Variants in ZNF560 observed in about 807,000 individuals in gnomAD.
The protein encoded by ZNF560 is zinc finger protein 560.
Under a neutral mutation model 81.8 loss-of-function variants are expected in ZNF560, and 54 were observed. The observed-to-expected ratio is 0.66, with a 90% CI of 0.53 to 0.83. ZNF560 has a LOEUF of 0.83. Ranked by LOEUF, ZNF560 falls within the 40% of genes least tolerant of loss-of-function variation. The pLI is 0.00. For synonymous variants in ZNF560, 321 were observed against 317.9 expected (o/e 1.01, Z -0.10); for missense variants, 940 against 932.4 (o/e 1.01, Z -0.11).
intron 9 of ZNF560, among the ~76,000 whole-genome samples, chr19:9,468,813 T>C (rs1226373555): frequency 6.9e-6 from 1 of 145,490 alleles, no homozygotes. Context: ...CACTGCAACC[T>C]CCACCTCCTG....
chr19:9,469,854 A>G, intron 7 of ZNF560, 144 bp from the exon 8 acceptor site: 1 of 656,894 alleles, frequency 1.5e-6, no homozygotes, highest in Non-Finnish European at 2.7e-6. Flanking sequence ...CTCTGAAGAC[A>G]CTGGTTATCT....
chr19:9,483,994 C>G (rs929022842), intron 2 of ZNF560, among the ~76,000 whole-genome samples: 1 of 152,124 alleles, frequency 6.6e-6, no homozygotes, highest in Non-Finnish European at 1.5e-5. Flanking sequence ...GACCTTACCC[C>G]CAACCCGGTG....
intron 2 of ZNF560, among the ~76,000 whole-genome samples, chr19:9,480,014 A>AT (rs1320753992): frequency 2.6e-5 from 4 of 152,186 alleles, no homozygotes; most frequent in Non-Finnish European, 5.9e-5. Context: ...GATAGATTGC[A>AT]ATAAAATAAT....
intron 2 of ZNF560, among the ~76,000 whole-genome samples, chr19:9,477,598 G>C (rs1224115899): frequency 6.6e-6 from 1 of 152,188 alleles, no homozygotes; most frequent in Non-Finnish European, 1.5e-5. Flanking sequence ...CATTGCTCCT[G>C]CAAGAGGACA....
intron 5 of ZNF560, 60 bp from the exon 6 acceptor site, chr19:9,471,438 G>C: frequency 1.6e-6 from 2 of 1,229,686 alleles, no homozygotes; most frequent in Non-Finnish European, 2.2e-6. Flanking sequence ...TAAAATGAAA[G>C]AGTTAAAAAT....
upstream of ZNF560, among the ~76,000 whole-genome samples, chr19:9,499,541 A>G (rs1253075446): frequency 2.0e-5 from 3 of 151,956 alleles, no homozygotes; most frequent in African/African-American, 4.8e-5. Context: ...ATTTGTTACT[A>G]TTTCTCAAAT....
At chr19:9,464,080 T>C (rs1488201686), downstream of ZNF560, among the ~76,000 whole-genome samples, 3 of 152,240 alleles carry the variant, frequency 2.0e-5, no homozygotes, top group East Asian at 5.8e-4. Flanking sequence ...ACAGCCTTAA[T>C]TGCTGTACAT....
At chr19:9,482,435 A>C (rs2073304929) in intron 2 of ZNF560, among the ~76,000 whole-genome samples, 1 of 144,598 alleles carries the variant, frequency 6.9e-6, no homozygotes, top group African/African-American at 2.5e-5. Flanking sequence ...AAAATAAGGA[A>C]GGGAGGGGGG....
In ZNF560 at chr19:9,467,222, C is replaced by T. The variant is rs267605823; in HGVS notation, c.1725G>A (p.Met575Ile). 8.1e-6 allele frequency: 13 copies of T among 1,613,978 alleles called. No homozygotes were observed. The highest frequency in any genetic ancestry group is 9.3e-6 in the Non-Finnish European group (11 of 1,179,986). The change falls in exon 10 of 10, where the codon ATG (methionine) becomes ATA (isoleucine). Residue 575 changes from methionine (M) to isoleucine (I), a missense_variant. Physicochemically the swap from Met to Ile is conservative, Grantham distance 10. Transcript: ENST00000301480. ...THAGEKPYEC[M>I]KCGKAFTERS... ...GCTCAGTGAAGGCTTTCCCACATTT[C>T]ATACATTCATAGGGTTTCTCTCCAG... is the stretch of plus-strand genomic sequence containing the variant.
Position 9,473,196 on chromosome 19 carries a change from T to A in ZNF560, c.221A>T (p.Gln74Leu). ...WLEEEELRTL[Q>L]QGVLQDWAIK... Reference sequence around the variant, plus strand: ...ATACTCACCTTGGAGAACTCCTTGCTGCAAGGTTCTCAACTCTTCTTCTTC... The same window carrying A: ...ATACTCACCTTGGAGAACTCCTTGCAGCAAGGTTCTCAACTCTTCTTCTTC... Residue 74 changes from glutamine (Q) to leucine (L), a missense_variant, in exon 5 of 10, where the codon CAG (glutamine) becomes CTG (leucine). Gln to Leu is a moderately radical substitution (Grantham distance 113). Transcript: ENST00000301480. 6.2e-7 allele frequency: 1 copy of A among 1,614,030 alleles called. No homozygotes were observed.
At chr19:9,447,041 G>A in the ZNF560 span, among the ~76,000 whole-genome samples, 1 of 151,310 alleles carries the variant, frequency 6.6e-6, no homozygotes, top group Non-Finnish European at 1.5e-5. Flanking sequence ...GGCTGAGGCA[G>A]GAGAATCGCT....
the ZNF560 span, among the ~76,000 whole-genome samples, chr19:9,455,054 G>A: frequency 2.0e-5 from 3 of 152,088 alleles, no homozygotes; most frequent in East Asian, 1.9e-4. Context: ...TTCGAGCAGA[G>A]CCCCGAGTGA....
the ZNF560 span, among the ~76,000 whole-genome samples, chr19:9,456,154 TCC>T: frequency 6.6e-6 from 1 of 151,984 alleles, no homozygotes; most frequent in Non-Finnish European, 1.5e-5. Flanking sequence ...ATAATGCTTG[TCC>T]CCCGCCACAG....
chr19:9,473,134 T>G, intron 5 of ZNF560, 45 bp downstream of exon 5: 1 of 1,467,626 alleles, frequency 6.8e-7, no homozygotes, highest in Admixed American at 1.7e-5. Context: ...CTTCTAAACA[T>G]ACTGAACTTC....
chr19:9,454,289 C>T, the ZNF560 span, among the ~76,000 whole-genome samples: 2 of 152,242 alleles, frequency 1.3e-5, no homozygotes, highest in Non-Finnish European at 2.9e-5. Context: ...CTCTGAAGGT[C>T]TCATTGCACT....
chr19:9,456,017 G>A, the ZNF560 span, among the ~76,000 whole-genome samples: 163 of 152,324 alleles, frequency 1.1e-3, no homozygotes, highest in African/African-American at 3.8e-3. Context: ...AAAGCACTGG[G>A]CCAATCAGTG....
intron 2 of ZNF560, among the ~76,000 whole-genome samples, chr19:9,476,043 A>G (rs10423752): frequency 0.15 from 22,887 of 152,170 alleles, 2,584 homozygotes; most frequent in African/African-American, 0.31. Flanking sequence ...CCTCTCTGGC[A>G]CACTTCAACA....
At chr19:9,481,673 A>C (rs2073291527) in intron 2 of ZNF560, among the ~76,000 whole-genome samples, 1 of 152,252 alleles carries the variant, frequency 6.6e-6, no homozygotes, top group African/African-American at 2.4e-5. Flanking sequence ...ACATGAAAAA[A>C]TGCTCATCAT....
At chr19:9,476,891 G>A (rs544020621) in intron 2 of ZNF560, among the ~76,000 whole-genome samples, 31 of 152,188 alleles carry the variant, frequency 2.0e-4, no homozygotes, top group Non-Finnish European at 2.8e-4. Context: ...GAGGCTGACA[G>A]TGAAATATGT....
Sources: allele counts gnomAD v4.1 joint callset (sites outside exome capture counted in the v4.1 genomes callset), GRCh38; gene constraint gnomAD v4.1.1; transcripts MANE v1.5; gene names NCBI Gene and HGNC (gene_info 2026-07-23, HGNC 2026-07-21).